The following AKAP19 variants were observed in gnomAD, a reference collection of about 807,000 sequenced individuals.
AKAP19 encodes the protein A-kinase anchoring protein 19, also known as small A-kinase anchoring protein.
chr2:190,166,994 T>C, the AKAP19 span, among the ~76,000 whole-genome samples: 2 of 152,214 alleles, frequency 1.3e-5, no homozygotes, highest in Non-Finnish European at 2.9e-5. Context: ...AATTTTTAAA[T>C]TATAGATCAT....
the AKAP19 span, among the ~76,000 whole-genome samples, chr2:190,176,147 G>A: frequency 6.6e-6 from 1 of 152,146 alleles, no homozygotes; most frequent in Non-Finnish European, 1.5e-5. This position sits in a 1 kb window ranked among gnomAD's most constrained non-coding sequence, Gnocchi z 4.7. Context: ...AACTCTGCTG[G>A]TAGGTTTACA....
the AKAP19 span, among the ~76,000 whole-genome samples, chr2:190,143,928 A>C: frequency 6.8e-6 from 1 of 146,324 alleles, no homozygotes; most frequent in East Asian, 2.0e-4. Flanking sequence ...AGAACAAAAA[A>C]CCAAACACCG....
chr2:189,917,086 C>G, the AKAP19 span, among the ~76,000 whole-genome samples: 6 of 152,192 alleles, frequency 3.9e-5, no homozygotes, highest in East Asian at 1.2e-3. Context: ...ATAATGATAA[C>G]ATATACTGTA....
chr2:190,173,761 C>T, the AKAP19 span, among the ~76,000 whole-genome samples: 9 of 152,190 alleles, frequency 5.9e-5, no homozygotes, highest in African/African-American at 2.2e-4. Context: ...CAAAGTTTAG[C>T]CTGTTAACTT....
chr2:190,115,113 A>C, the AKAP19 span, among the ~76,000 whole-genome samples: 3 of 144,872 alleles, frequency 2.1e-5, no homozygotes, highest in Admixed American at 2.1e-4. Context: ...GGGGCAGGGG[A>C]TGAGAGAGAG....
At chr2:190,032,442 A>G in the AKAP19 span, among the ~76,000 whole-genome samples, 1 of 152,112 alleles carries the variant, frequency 6.6e-6, no homozygotes, top group Non-Finnish European at 1.5e-5. Flanking sequence ...GAAGTGGTGA[A>G]CTCAGTATAG....
the AKAP19 span, among the ~76,000 whole-genome samples, chr2:190,008,730 GCACA>G: frequency 0.041 from 4,927 of 120,622 alleles, 160 homozygotes; most frequent in African/African-American, 0.085. Flanking sequence ...ATGTGCACGT[GCACA>G]CACACACACA....
chr2:189,918,693 T>C, the AKAP19 span, among the ~76,000 whole-genome samples: 1 of 152,176 alleles, frequency 6.6e-6, no homozygotes, highest in Admixed American at 6.5e-5. Context: ...TAGTCAAATA[T>C]ATAGTTGTAC....
the AKAP19 span, among the ~76,000 whole-genome samples, chr2:189,987,081 C>G: frequency 6.6e-6 from 1 of 152,064 alleles, no homozygotes; most frequent in African/African-American, 2.4e-5. Context: ...TGGCTGTGTC[C>G]CCACCCAAAT....
chr2:189,988,798 G>A, the AKAP19 span, among the ~76,000 whole-genome samples: 1 of 152,202 alleles, frequency 6.6e-6, no homozygotes, highest in Non-Finnish European at 1.5e-5. Flanking sequence ...TTCCCAGTCT[G>A]ACTTGCAGCA....
At chr2:189,916,855 A>G in the AKAP19 span, among the ~76,000 whole-genome samples, 914 of 152,214 alleles carry the variant, frequency 6.0e-3, 5 homozygotes, top group Non-Finnish European at 1.0e-2. Flanking sequence ...TTAGTCATTT[A>G]TCCATTGAAG....
the AKAP19 span, among the ~76,000 whole-genome samples, chr2:190,130,902 T>C: frequency 6.6e-6 from 1 of 152,206 alleles, no homozygotes; most frequent in African/African-American, 2.4e-5. Context: ...GTTAGGTATT[T>C]GCTATATTTG....
the AKAP19 span, among the ~76,000 whole-genome samples, chr2:190,022,689 T>A: frequency 3.3e-5 from 5 of 152,190 alleles, no homozygotes; most frequent in African/African-American, 1.2e-4. Flanking sequence ...TGCAGGTTCA[T>A]TTTAAAAGTT....
the AKAP19 span, among the ~76,000 whole-genome samples, chr2:190,034,882 G>GAAAAAAAAAAAAAAAAAAAAAAA: frequency 1.6e-5 from 2 of 121,866 alleles, no homozygotes; most frequent in African/African-American, 2.8e-5. Context: ...AAAAAAAAAG[G>GAAAAAAAAAAAAAAAAAAAAAAA]AAAAAAATGC....
At chr2:190,028,661 A>C in the AKAP19 span, among the ~76,000 whole-genome samples, 2 of 152,232 alleles carry the variant, frequency 1.3e-5, no homozygotes, top group African/African-American at 2.4e-5. Flanking sequence ...GTAATTAAGA[A>C]ACATTCCAGC....
chr2:189,887,376 A>G, the AKAP19 span, among the ~76,000 whole-genome samples: 44 of 152,286 alleles, frequency 2.9e-4, no homozygotes, highest in African/African-American at 9.6e-4. Flanking sequence ...CCAGTCTATC[A>G]TTGATGGGCA....
At chr2:190,000,273 C>T in the AKAP19 span, among the ~76,000 whole-genome samples, 3 of 152,232 alleles carry the variant, frequency 2.0e-5, no homozygotes, top group South Asian at 6.2e-4. Context: ...TTCAGTAAAC[C>T]ACGTAGGGGT....
At chr2:190,202,166 C>T in the AKAP19 span, 1 of 167,004 alleles carries the variant, frequency 6.0e-6, no homozygotes, top group East Asian at 1.9e-4. Flanking sequence ...CTGCCAGATC[C>T]ATATCAACTA....
At chr2:189,893,375 T>A in the AKAP19 span, among the ~76,000 whole-genome samples, 1 of 152,340 alleles carries the variant, frequency 6.6e-6, no homozygotes, top group Non-Finnish European at 1.5e-5. Flanking sequence ...TCTTCTGGTC[T>A]GCAGTTTGTG....
Sources: allele counts gnomAD v4.1 joint callset (sites outside exome capture counted in the v4.1 genomes callset), GRCh38; gene constraint gnomAD v4.1.1; non-coding constraint Gnocchi (gnomAD v3.1); transcripts MANE v1.5; gene names NCBI Gene and HGNC (gene_info 2026-07-23, HGNC 2026-07-21).